The following GRXCR1 variants were observed in gnomAD, a reference collection of about 807,000 sequenced individuals.
GRXCR1 encodes glutaredoxin domain-containing cysteine-rich protein 1.
Under a neutral mutation model 27.3 loss-of-function variants are expected in GRXCR1, and 27 were observed. The observed-to-expected ratio is 0.99, with a 90% CI of 0.73 to 1.37. The LOEUF is 1.37. Ranked by LOEUF, GRXCR1 falls within the 40% of genes most tolerant of loss-of-function variation. The pLI is 0.00. For synonymous variants in GRXCR1, 122 were observed against 131.1 expected, an observed-to-expected ratio of 0.93 and a Z score of 0.47; for missense variants, 379 against 354.4, an observed-to-expected ratio of 1.07 and a Z score of -0.56.
At chr4:42,916,393 T>C (rs1746887236) in intron 1 of GRXCR1, among the ~76,000 whole-genome samples, 1 of 152,156 alleles carries the variant, frequency 6.6e-6, no homozygotes. Flanking sequence ...AGCTAAAAAA[T>C]AGTCATGATT....
intron 1 of GRXCR1, among the ~76,000 whole-genome samples, chr4:42,947,758 A>C (rs190686485): frequency 6.6e-6 from 1 of 152,188 alleles, no homozygotes; most frequent in South Asian, 2.1e-4. Context: ...CCTTCTGATA[A>C]TGATATAGCA....
intron 1 of GRXCR1, among the ~76,000 whole-genome samples, chr4:42,955,732 A>T (rs1161236313): frequency 9.2e-5 from 14 of 152,132 alleles, no homozygotes; most frequent in Admixed American, 9.2e-4. Context: ...AAATTGCTTA[A>T]GGTCTGAATT....
At chr4:43,003,741 A>G (rs1182428809) in intron 2 of GRXCR1, among the ~76,000 whole-genome samples, 1 of 152,194 alleles carries the variant, frequency 6.6e-6, no homozygotes, top group Non-Finnish European at 1.5e-5. Flanking sequence ...CATTCAAGAA[A>G]TTGCCTGGCT....
At chr4:42,944,924 TTGGTTGGAGTCATGGTCTGAA>T (rs1015377825) in intron 1 of GRXCR1, among the ~76,000 whole-genome samples, 2 of 152,142 alleles carry the variant, frequency 1.3e-5, no homozygotes, top group African/African-American at 4.8e-5. Context: ...AGTCAGTGTC[TTGGTTGGAGTCATGGTCTGAA>T]TGTTTGTACA....
chr4:42,981,462 T>G (rs748402847), intron 2 of GRXCR1, among the ~76,000 whole-genome samples: 1 of 152,216 alleles, frequency 6.6e-6, no homozygotes, highest in African/African-American at 2.4e-5. Context: ...ATATGAAAGA[T>G]ATAAGTGATG....
rs1748157150 is a variant in GRXCR1, at chr4:42,962,921, T to C, written c.414T>C (p.Arg138=). 1.2e-6 allele frequency: 2 copies of C among 1,612,524 alleles called. No homozygotes were observed. Among genetic ancestry groups the C allele is most frequent in the South Asian group, 2.2e-5 (2 of 91,060 alleles). ...QQPSTDLEFD[R]VVIYTTCLRV... ...CATCAACTGATCTAGAATTTGACCG[T>C]GTAGTGATTTATACCACCTGCCTTC... Residue 138 remains arginine, a synonymous_variant, in exon 2 of 4, where the codon CGT becomes CGC. Coordinates refer to ENST00000399770, the MANE Select transcript of GRXCR1 (RefSeq NM_001080476.3).
intron 2 of GRXCR1, among the ~76,000 whole-genome samples, chr4:43,005,574 A>G (rs1712530390): frequency 6.6e-6 from 1 of 152,226 alleles, no homozygotes; most frequent in Admixed American, 6.5e-5. Flanking sequence ...TTACCACGGC[A>G]AGATGAGAGA....
rs185236737 is a variant in GRXCR1 at position 43,010,805 on chromosome 4, G to C, written c.628-9549G>C. On this transcript the variant is annotated intron_variant, in intron 2 of 3. Coordinates refer to ENST00000399770, the MANE Select transcript of GRXCR1 (RefSeq NM_001080476.3). ...TTGAAATAGGCTAAAAATTAGACTAGTATTACTTCCACTAGTCTTTTAAAA... is the reference window on the plus strand; with the variant it reads ...TTGAAATAGGCTAAAAATTAGACTACTATTACTTCCACTAGTCTTTTAAAA... Among the ~76,000 whole-genome samples the C allele has an allele frequency of 6.6e-5, 10 of 152,304 alleles. No homozygotes were observed. In the East Asian group the frequency reaches 1.9e-3, roughly 29 times the overall value.
At chr4:42,917,035 G>A (rs762030213) in intron 1 of GRXCR1, among the ~76,000 whole-genome samples, 1 of 152,068 alleles carries the variant, frequency 6.6e-6, no homozygotes, top group Non-Finnish European at 1.5e-5. Flanking sequence ...TAGGGTCAAA[G>A]GCAATTTGAG....
At chr4:42,904,266 G>A (rs895653942) in intron 1 of GRXCR1, among the ~76,000 whole-genome samples, 9 of 152,094 alleles carry the variant, frequency 5.9e-5, no homozygotes, top group Admixed American at 2.0e-4. Flanking sequence ...CCCAACTTTC[G>A]CTCCTTCCAA....
At chr4:42,978,063 T>A (rs1052689000) in intron 2 of GRXCR1, among the ~76,000 whole-genome samples, 1 of 152,102 alleles carries the variant, frequency 6.6e-6, no homozygotes, top group Non-Finnish European at 1.5e-5. Flanking sequence ...AACTGTGCTT[T>A]CCCCATTGTT....
intron 1 of GRXCR1, among the ~76,000 whole-genome samples, chr4:42,926,426 T>A (rs1747158958): frequency 6.6e-6 from 1 of 151,960 alleles, no homozygotes; most frequent in African/African-American, 2.4e-5. Flanking sequence ...TTAAAATAAA[T>A]GAACAATGGA....
At chr4:42,919,642 A>T (rs909116534) in intron 1 of GRXCR1, among the ~76,000 whole-genome samples, 1 of 152,058 alleles carries the variant, frequency 6.6e-6, no homozygotes, top group Admixed American at 6.6e-5. Flanking sequence ...TCACCAGGCC[A>T]TGTTTTCTTC....
intron 1 of GRXCR1, among the ~76,000 whole-genome samples, chr4:42,912,265 A>C (rs989273114): frequency 6.6e-6 from 1 of 152,192 alleles, no homozygotes; most frequent in Non-Finnish European, 1.5e-5. Flanking sequence ...GGTTAGGAAG[A>C]AACCACTGCA....
chr4:42,937,987 C>T (rs780304118), intron 1 of GRXCR1, among the ~76,000 whole-genome samples: 2 of 151,916 alleles, frequency 1.3e-5, no homozygotes, highest in African/African-American at 4.8e-5. Context: ...ACTGCAGTCA[C>T]CCTGTTGTGC....
chr4:42,946,047 G>A (rs542638597), intron 1 of GRXCR1, among the ~76,000 whole-genome samples: 2 of 152,270 alleles, frequency 1.3e-5, no homozygotes, highest in South Asian at 4.1e-4. Flanking sequence ...GCAGTTGGCT[G>A]CTGTGCAACA....
chr4:42,996,606 G>GT (rs970792156), intron 2 of GRXCR1, among the ~76,000 whole-genome samples: 244 of 148,690 alleles, frequency 1.6e-3, no homozygotes, highest in Non-Finnish European at 2.3e-3. Flanking sequence ...CTGTGGTCAA[G>GT]TTTTTTTTTT....
chr4:42,985,818 A>G (rs1021568196), intron 2 of GRXCR1, among the ~76,000 whole-genome samples: 1 of 152,166 alleles, frequency 6.6e-6, no homozygotes, highest in Non-Finnish European at 1.5e-5. Context: ...AAACAAATAC[A>G]ATAACTATTT....
At chr4:42,923,672 C>T (rs893844797) in intron 1 of GRXCR1, among the ~76,000 whole-genome samples, 5 of 152,060 alleles carry the variant, frequency 3.3e-5, no homozygotes, top group African/African-American at 1.2e-4. Context: ...CCATCTGTCA[C>T]TGGGTAAGGA....
Sources: allele counts gnomAD v4.1 joint callset (sites outside exome capture counted in the v4.1 genomes callset), GRCh38; gene constraint gnomAD v4.1.1; transcripts MANE v1.5; gene names NCBI Gene and HGNC (gene_info 2026-07-23, HGNC 2026-07-21).